The following ZPBP variants were observed in gnomAD, a reference collection of about 807,000 sequenced individuals.
ZPBP encodes the protein zona pellucida binding protein.
A neutral mutation model predicts 44.8 loss-of-function variants in ZPBP; 26 were observed. The ratio of observed to expected loss-of-function variants is 0.58; its 90% CI spans 0.43 to 0.81. The LOEUF (loss-of-function observed/expected upper bound fraction) is 0.81. Among genes scored for constraint, ZPBP ranks in the 30% least tolerant of loss-of-function variants. The pLI, the probability that ZPBP is intolerant of heterozygous loss-of-function variation, is 0.00. For missense variants in ZPBP, 409 were observed against 434.0 expected (o/e 0.94, Z 0.51); for synonymous variants, 174 against 153.2 (o/e 1.14, Z -1.00).
In ZPBP at chr7:49,883,160, C is replaced by A. The variant is rs1392511829; in HGVS notation, n.509+17958G>T. On this transcript the variant is annotated intron_variant and non_coding_transcript_variant, in intron 2 of 2. Coordinates refer to the ZPBP transcript ENST00000465922. The stretch of plus-strand genomic sequence containing the variant: ...GAGGAAGGCGCAGGGAGCTGTCAGA[C>A]CTTTATGCAGGTTTGAGCTTGAGGA... Among the ~76,000 whole-genome samples, 6 of 152,128 alleles carry A rather than the reference C, an allele frequency of 3.9e-5. No individual in the cohort carries two copies. In the East Asian group the frequency reaches 1.2e-3, roughly 29 times the overall value.
chr7:49,971,210 T>C (rs1796293336), intron 7 of ZPBP, among the ~76,000 whole-genome samples: 1 of 151,886 alleles, frequency 6.6e-6, no homozygotes, highest in South Asian at 2.1e-4. Context: ...TGCTAATCAG[T>C]AAACCGATTT....
At chr7:49,968,366 CTCAAA>C (rs1173572531) in intron 7 of ZPBP, among the ~76,000 whole-genome samples, 2 of 151,940 alleles carry the variant, frequency 1.3e-5, no homozygotes, top group Non-Finnish European at 2.9e-5. Flanking sequence ...TTAAACTCCA[CTCAAA>C]TCAAAGCACT....
At position 49,995,590 on chromosome 7, in the gene ZPBP, C is replaced by T. The variant is rs192483876; in HGVS notation, c.784-12071G>A. 2.4e-4 allele frequency among the ~76,000 whole-genome samples: 37 copies of T among 152,284 alleles called. No individual in the cohort carries two copies. In the East Asian group the frequency reaches 6.2e-3, roughly 25 times the overall value. ...TCACCACATCTGCATCTTTTAAGTC[C>T]TTGATGATGGCAGTAAACTCTGCAA... is the stretch of plus-strand genomic sequence containing the variant. On this transcript the variant is annotated intron_variant, in intron 6 of 7. Coordinates refer to ENST00000046087, the MANE Select transcript of ZPBP (RefSeq NM_007009.3).
chr7:49,899,578 G>A (rs1053506417), intron 2 of ZPBP, among the ~76,000 whole-genome samples: 1 of 151,908 alleles, frequency 6.6e-6, no homozygotes, highest in African/African-American at 2.4e-5. Context: ...TCAGCCAGAG[G>A]GAGGTATTAT....
At chr7:50,070,117 A>G (rs1801759458) in intron 3 of ZPBP, among the ~76,000 whole-genome samples, 1 of 152,094 alleles carries the variant, frequency 6.6e-6, no homozygotes, top group African/African-American at 2.4e-5. Flanking sequence ...AGGACTCCTC[A>G]TCAGACTAAA....
intron 7 of ZPBP, among the ~76,000 whole-genome samples, chr7:49,947,308 C>T (rs1447783308): frequency 6.6e-6 from 1 of 152,242 alleles, no homozygotes; most frequent in Non-Finnish European, 1.5e-5. Context: ...GTGGTCTTCG[C>T]AGTCTGGGCT....
At chr7:49,992,290 A>C (rs1797608036) in intron 6 of ZPBP, among the ~76,000 whole-genome samples, 1 of 152,198 alleles carries the variant, frequency 6.6e-6, no homozygotes, top group Non-Finnish European at 1.5e-5. Flanking sequence ...AGCAATTCAG[A>C]TAACTGAATA....
intron 1 of ZPBP, among the ~76,000 whole-genome samples, chr7:50,092,486 G>A (rs757817290): frequency 1.3e-5 from 2 of 152,106 alleles, no homozygotes; most frequent in Non-Finnish European, 2.9e-5. Flanking sequence ...TTTGAGTCTA[G>A]AATGCAGCCA....
In ZPBP at chr7:49,980,129, T is replaced by C. The variant is rs1233783962; in HGVS notation, c.961+3213A>G. 9.4e-5 allele frequency among the ~76,000 whole-genome samples: 10 copies of C among 106,352 alleles called. No homozygotes were observed. In the South Asian group the frequency reaches 2.4e-3, roughly 26 times the overall value. 69.8% of individuals were successfully genotyped at this position (106,352 alleles called of 152,430 possible). On this transcript the variant is annotated intron_variant, in intron 7 of 7. Coordinates refer to ENST00000046087, the MANE Select transcript of ZPBP (RefSeq NM_007009.3). ...TTATAATATAATTTTATATTATAAT[T>C]ATATATTATATTTATATTATAATTA...
intron 6 of ZPBP, among the ~76,000 whole-genome samples, chr7:50,012,380 C>T (rs1265896623): frequency 6.6e-6 from 1 of 151,804 alleles, no homozygotes; most frequent in East Asian, 1.9e-4. Context: ...GGAAAGTAAA[C>T]TAATAACTAA....
At chr7:49,846,530 T>TGAC (rs1252007797), downstream of ZPBP, among the ~76,000 whole-genome samples, 3 of 152,236 alleles carry the variant, frequency 2.0e-5, no homozygotes, top group Non-Finnish European at 4.4e-5. Flanking sequence ...GGCCATGGCC[T>TGAC]GACAGTGATG....
intron 5 of ZPBP, among the ~76,000 whole-genome samples, chr7:50,027,272 ACTT>A (rs1799382554): frequency 1.3e-5 from 2 of 152,022 alleles, no homozygotes; most frequent in South Asian, 4.1e-4. Context: ...TTTGGACTAG[ACTT>A]CTATGACCAC....
At chr7:49,940,772 G>C in intron 7 of ZPBP, 1 of 985,164 alleles carries the variant, frequency 1.0e-6, no homozygotes, top group African/African-American at 1.7e-5. Context: ...ACACAACTGA[G>C]AGAACAGAGC....
At chr7:49,866,873 G>A (rs1790914048) in intron 2 of ZPBP, among the ~76,000 whole-genome samples, 1 of 152,190 alleles carries the variant, frequency 6.6e-6, no homozygotes, top group Admixed American at 6.5e-5. Context: ...GCCTGAGGCG[G>A]GAACATGCCT....
the ZPBP span, among the ~76,000 whole-genome samples, chr7:49,841,959 T>G: frequency 6.6e-6 from 1 of 152,076 alleles, no homozygotes; most frequent in African/African-American, 2.4e-5. Flanking sequence ...CTCCACCTCC[T>G]GGGTTCAAGC....
At chr7:49,890,357 A>G (rs1026362764) in intron 2 of ZPBP, among the ~76,000 whole-genome samples, 3 of 152,254 alleles carry the variant, frequency 2.0e-5, no homozygotes, top group South Asian at 4.1e-4. Context: ...GGAAGACAAA[A>G]GAACTTGTTC....
chr7:49,852,679 G>A (rs1301233357), intron 2 of ZPBP, among the ~76,000 whole-genome samples: 1 of 150,690 alleles, frequency 6.6e-6, no homozygotes, highest in Admixed American at 6.6e-5. Context: ...TACCACCTTG[G>A]TGTGACGGAT....
intron 4 of ZPBP, among the ~76,000 whole-genome samples, chr7:50,050,528 G>A (rs1800633758): frequency 6.6e-6 from 1 of 151,894 alleles, no homozygotes; most frequent in African/African-American, 2.4e-5. Flanking sequence ...AAATAATATT[G>A]AAGCAACTGA....
At chr7:50,016,741 G>A (rs1234147018) in intron 6 of ZPBP, among the ~76,000 whole-genome samples, 4 of 152,074 alleles carry the variant, frequency 2.6e-5, no homozygotes, top group Non-Finnish European at 5.9e-5. Context: ...AAGACTGGTA[G>A]AGGGTAAAAG....
Sources: allele counts gnomAD v4.1 joint callset (sites outside exome capture counted in the v4.1 genomes callset), GRCh38; gene constraint gnomAD v4.1.1; transcripts MANE v1.5; gene names NCBI Gene and HGNC (gene_info 2026-07-23, HGNC 2026-07-21).